HS3ST2: variants seen among roughly 807,000 people sequenced by gnomAD.
The protein encoded by HS3ST2 is heparan sulfate-glucosamine 3-sulfotransferase 2, also known as heparan sulfate glucosamine 3-O-sulfotransferase 2.
A neutral mutation model predicts 26.3 loss-of-function variants in HS3ST2; 17 were observed. That is an observed-to-expected ratio of 0.65 (90% CI 0.44 to 0.97). The LOEUF (loss-of-function observed/expected upper bound fraction) is 0.97. Among genes scored for constraint, HS3ST2 ranks in the 50% least tolerant of loss-of-function variants. The pLI, the probability that HS3ST2 is intolerant of heterozygous loss-of-function variation, is 0.00. For missense variants in HS3ST2, 402 were observed against 501.2 expected (o/e 0.80, Z 1.89); for synonymous variants, 237 against 219.2 (o/e 1.08, Z -0.72).
chr16:22,846,743 C>T (rs929442409), intron 1 of HS3ST2, among the ~76,000 whole-genome samples: 3 of 152,096 alleles, frequency 2.0e-5, no homozygotes, highest in Admixed American at 6.6e-5. Context: ...ACATATCAAA[C>T]CCCAGAGATC....
Position 22,915,700 on chromosome 16 carries a change from C to G in HS3ST2, c.*138C>G. The G allele has an allele frequency of 4.3e-6, 4 of 919,722 alleles. No homozygotes were observed. The highest frequency in any genetic ancestry group is 6.6e-6 in the Non-Finnish European group (4 of 608,196). The allele number at this position is 919,722 out of a possible 1,614,324, so 57.0% of individuals were successfully genotyped here. A position where few individuals can be genotyped will look rare whatever the true frequency, so the allele number is the denominator to read the frequency against. ...AACTTGAGTTGCATCATCTTGGAACCAGGAAGCCCAGCTAAAGCCAAGAGA... is the reference window on the plus strand; with the variant it reads ...AACTTGAGTTGCATCATCTTGGAACGAGGAAGCCCAGCTAAAGCCAAGAGA... On this transcript the variant is annotated 3_prime_UTR_variant, in exon 2 of 2. Coordinates refer to ENST00000261374, the MANE Select transcript of HS3ST2 (RefSeq NM_006043.2).
intron 1 of HS3ST2, among the ~76,000 whole-genome samples, chr16:22,838,618 A>G (rs915408501): frequency 6.6e-6 from 1 of 152,152 alleles, no homozygotes; most frequent in Non-Finnish European, 1.5e-5. Flanking sequence ...CTGAAACTCA[A>G]CTGCGGAAGC....
intron 1 of HS3ST2, among the ~76,000 whole-genome samples, chr16:22,815,781 A>G (rs570123791): frequency 2.0e-5 from 3 of 152,116 alleles, no homozygotes; most frequent in Admixed American, 2.0e-4. Flanking sequence ...ATCAGCCTCT[A>G]TTTTCTCATC....
intron 1 of HS3ST2, among the ~76,000 whole-genome samples, chr16:22,819,254 G>T (rs1265625807): frequency 6.7e-6 from 1 of 150,194 alleles, no homozygotes; most frequent in Non-Finnish European, 1.5e-5. Flanking sequence ...TCACATATCT[G>T]GGTGTCAGTC....
chr16:22,817,869 T>C (rs1204148695), intron 1 of HS3ST2, among the ~76,000 whole-genome samples: 2 of 147,402 alleles, frequency 1.4e-5, no homozygotes, highest in African/African-American at 5.2e-5. Context: ...AATCAAAAGC[T>C]TTACCCTTAA....
chr16:22,899,072 C>T (rs1294455222), intron 1 of HS3ST2, among the ~76,000 whole-genome samples: 1 of 152,160 alleles, frequency 6.6e-6, no homozygotes, highest in African/African-American at 2.4e-5. Context: ...CCATTAATAC[C>T]CCCGGGAGAC....
rs1489223344 is a variant in HS3ST2 at position 22,914,763 on chromosome 16, A to AAAAAAAAAAAAG, written c.486-180_486-179insAAAAAAAAAAGA. Among the ~76,000 whole-genome samples, 84 of 118,774 alleles carry AAAAAAAAAAAAG rather than the reference A, an allele frequency of 7.1e-4. 17 individuals carry two copies. The highest frequency in any genetic ancestry group is 2.9e-3 in the African/African-American group (78 of 26,698). 77.9% of individuals were successfully genotyped at this position (118,774 alleles called of 152,430 possible). On this transcript the variant is annotated intron_variant, in intron 1 of 1. Transcript: ENST00000261374. ...AAAAAAAAAAAAAAAAAAAAAAAAA[A>AAAAAAAAAAAAG]AGAGAAGAAAAGAAAATCAACAAGA... is the stretch of plus-strand genomic sequence containing the variant.
chr16:22,814,603 A>T lies in HS3ST2; in HGVS notation c.-8A>T. The stretch of plus-strand genomic sequence containing the variant: ...AAACCATGACCCCCGGCGCGGGCCC[A>T]TGGAGCCATGGCCTATAGGGTCCTG... On this transcript the variant is annotated 5_prime_UTR_variant, in exon 1 of 2. The change abolishes an upstream ATG in the 5' untranslated region. Transcript: ENST00000261374. The T allele has an allele frequency of 4.1e-5, 63 of 1,523,352 alleles. No homozygotes were observed. The highest frequency in any genetic ancestry group is 5.4e-5 in the Non-Finnish European group (62 of 1,138,202). 94.4% of individuals were successfully genotyped at this position (1,523,352 alleles called of 1,614,324 possible). A position where few individuals can be genotyped will look rare whatever the true frequency, so the allele number is the denominator to read the frequency against.
chr16:22,833,660 T>C (rs1480626592), intron 1 of HS3ST2, among the ~76,000 whole-genome samples: 5 of 152,206 alleles, frequency 3.3e-5, no homozygotes, highest in African/African-American at 1.2e-4. Flanking sequence ...ATGTGGACTC[T>C]TGTAGGGTCA....
intron 1 of HS3ST2, among the ~76,000 whole-genome samples, chr16:22,857,042 A>T (rs769778800): frequency 6.6e-6 from 1 of 152,134 alleles, no homozygotes; most frequent in Non-Finnish European, 1.5e-5. Context: ...GCACCATGCC[A>T]TTTCATCTTT....
intron 1 of HS3ST2, among the ~76,000 whole-genome samples, chr16:22,895,074 T>C (rs1476987099): frequency 1.2e-4 from 18 of 150,956 alleles, no homozygotes; most frequent in East Asian, 1.9e-4. Context: ...TTCTTTCTTT[T>C]TTTTTTTTTT....
At chr16:22,902,218 C>A (rs1180211237) in intron 1 of HS3ST2, among the ~76,000 whole-genome samples, 1 of 152,196 alleles carries the variant, frequency 6.6e-6, no homozygotes, top group African/African-American at 2.4e-5. Context: ...CACCTCATTT[C>A]TTGACAGCCA....
chr16:22,834,729 G>A (rs1415039920), intron 1 of HS3ST2, among the ~76,000 whole-genome samples: 1 of 131,974 alleles, frequency 7.6e-6, no homozygotes, highest in Admixed American at 7.4e-5. Context: ...CACCCCTATG[G>A]CAATAGAGCT....
intron 1 of HS3ST2, among the ~76,000 whole-genome samples, chr16:22,853,867 T>C (rs1457742853): frequency 6.6e-6 from 1 of 151,962 alleles, no homozygotes; most frequent in African/African-American, 2.4e-5. Context: ...CTGAGGCTGA[T>C]TGTCTGGTCA....
At chr16:22,912,724 A>T (rs1902438118) in intron 1 of HS3ST2, among the ~76,000 whole-genome samples, 1 of 152,176 alleles carries the variant, frequency 6.6e-6, no homozygotes, top group Non-Finnish European at 1.5e-5. Context: ...TAAGGGGCAG[A>T]TTATGCAGAA....
intron 1 of HS3ST2, among the ~76,000 whole-genome samples, chr16:22,861,695 A>T (rs1901676337): frequency 6.6e-6 from 1 of 152,178 alleles, no homozygotes; most frequent in Non-Finnish European, 1.5e-5. Flanking sequence ...GGGAACTTAA[A>T]ATAATACAAT....
At position 22,814,606 on chromosome 16, in the gene HS3ST2, G is replaced by A; in HGVS notation, c.-5G>A. ...CCATGACCCCCGGCGCGGGCCCATG[G>A]AGCCATGGCCTATAGGGTCCTGGGC... is the stretch of plus-strand genomic sequence containing the variant. On this transcript the variant is annotated 5_prime_UTR_variant, in exon 1 of 2. The change creates a premature stop within an existing upstream ORF in the 5' untranslated region. Transcript: ENST00000261374. 6.5e-7 allele frequency: 1 copy of A among 1,527,028 alleles called. No individual in the cohort carries two copies. The highest frequency in any genetic ancestry group is 8.8e-7 in the Non-Finnish European group (1 of 1,139,514). 94.6% of individuals were successfully genotyped at this position (1,527,028 alleles called of 1,614,324 possible).
intron 1 of HS3ST2, among the ~76,000 whole-genome samples, chr16:22,883,992 C>T (rs2141198043): frequency 6.6e-6 from 1 of 152,250 alleles, no homozygotes; most frequent in Admixed American, 6.5e-5. Flanking sequence ...GAAATCAAAA[C>T]AACTCGGTCC....
rs762373981 is a variant in HS3ST2, at chr16:22,915,896, T to C, written c.*334T>C. ...TGATGATAGATATTATAAGCGATGA[T>C]GGTTCTGTTGCTATGAACACAGCAG... On this transcript the variant is annotated 3_prime_UTR_variant, in exon 2 of 2. Transcript: ENST00000261374. 3.7e-6 allele frequency: 1 copy of C among 270,542 alleles called. No individual in the cohort carries two copies. The allele number at this position is 270,542 out of a possible 1,614,324, so 16.8% of individuals were successfully genotyped here. A position where few individuals can be genotyped will look rare whatever the true frequency, so the allele number is the denominator to read the frequency against.
Sources: gnomAD v4.1 joint callset for allele counts (sites outside exome capture counted in the v4.1 genomes callset) on GRCh38, gnomAD v4.1.1 for gene constraint, MANE v1.5 for transcripts, NCBI Gene and HGNC (gene_info 2026-07-23, HGNC 2026-07-21) for gene names.